Variants in ADAMTS9 observed in about 807,000 individuals in gnomAD.
ADAMTS9 encodes A disintegrin and metalloproteinase with thrombospondin motifs 9.
ADAMTS9 carries 107 observed loss-of-function variants against 257.1 expected under a neutral mutation model. The observed-to-expected ratio is 0.42, with a 90% CI of 0.36 to 0.49. The LOEUF is 0.49. Among genes scored for constraint, ADAMTS9 ranks in the 20% least tolerant of loss-of-function variants. The probability of loss-of-function intolerance (pLI) is 0.03; values close to 1 mark genes in which losing one functional copy is unlikely to be tolerated. For missense variants in ADAMTS9, 2,353 were observed against 2,469.1 expected, an observed-to-expected ratio of 0.95 and a Z score of 1.00; for synonymous variants, 982 against 880.9, an observed-to-expected ratio of 1.11 and a Z score of -2.03.
At chr3:64,522,402 T>A in intron 38 of ADAMTS9, 142 bp from the exon 39 acceptor site, 1 of 629,594 alleles carries the variant, frequency 1.6e-6, no homozygotes, top group Non-Finnish European at 2.7e-6. Context: ...CACCATGGTC[T>A]AAAGCAGGGG....
At chr3:64,535,102 G>A (rs1207129615) in intron 37 of ADAMTS9, among the ~76,000 whole-genome samples, 1 of 152,204 alleles carries the variant, frequency 6.6e-6, no homozygotes, top group Non-Finnish European at 1.5e-5. Flanking sequence ...TTTGGGCTGA[G>A]TGTGGTGGCT....
intron 3 of ADAMTS9, among the ~76,000 whole-genome samples, chr3:64,662,011 T>C (rs1701235686): frequency 6.6e-6 from 1 of 151,878 alleles, no homozygotes; most frequent in African/African-American, 2.4e-5. Flanking sequence ...AGTAGAAGGT[T>C]AGGTTATTGC....
At chr3:64,661,579 G>A (rs779915983) in intron 3 of ADAMTS9, among the ~76,000 whole-genome samples, 7 of 152,278 alleles carry the variant, frequency 4.6e-5, no homozygotes, top group Admixed American at 1.3e-4. Flanking sequence ...CTCAATTCCC[G>A]AAATTGTGCT....
chr3:64,653,219 A>T (rs1469177134), intron 8 of ADAMTS9, among the ~76,000 whole-genome samples: 2 of 152,118 alleles, frequency 1.3e-5, no homozygotes, highest in Non-Finnish European at 2.9e-5. Flanking sequence ...TAAGCTGGGG[A>T]AGCTGGAATG....
chr3:64,551,680 T>G (rs189816908), intron 30 of ADAMTS9, among the ~76,000 whole-genome samples: 58 of 152,238 alleles, frequency 3.8e-4, no homozygotes, highest in Admixed American at 3.5e-3. Flanking sequence ...TTGACACTTA[T>G]GGCCAAATGT....
chr3:64,552,543 T>C (rs1250001767), intron 30 of ADAMTS9, among the ~76,000 whole-genome samples: 2 of 151,994 alleles, frequency 1.3e-5, no homozygotes, highest in Non-Finnish European at 2.9e-5. Flanking sequence ...ATTTTTGTTG[T>C]GTGGTCAGAA....
intron 39 of ADAMTS9, among the ~76,000 whole-genome samples, chr3:64,517,415 G>GCTTTTTTTTTTTTTT (rs1242670245): frequency 8.7e-5 from 1 of 11,544 alleles, no homozygotes; most frequent in Non-Finnish European, 3.0e-4. Context: ...AATTAAAAAT[G>GCTTTTTTTTTTTTTT]GTTTTTTTTT....
rs1486424541 is a variant in ADAMTS9, at chr3:64,687,662, C to T, written c.-5G>A. ...GGCCCAGGATACAAACTGCATGGTG[C>T]TTCCCACCCCTCCCTCCGCTGCCCC... On this transcript the variant is annotated 5_prime_UTR_variant, in exon 1 of 40. Transcript: ENST00000498707. This position sits in a 1 kb window ranked among gnomAD's most constrained non-coding sequence, Gnocchi z 4.4. The T allele has an allele frequency of 7.9e-6, 12 of 1,521,904 alleles. No homozygotes were observed. The highest frequency in any genetic ancestry group is 1.1e-5 in the Non-Finnish European group (12 of 1,129,902). The allele number at this position is 1,521,904 out of a possible 1,614,324, so 94.3% of individuals were successfully genotyped here.
chr3:64,613,616 A>T, intron 21 of ADAMTS9, 107 bp from the exon 22 acceptor site: 1 of 1,087,818 alleles, frequency 9.2e-7, no homozygotes, highest in Non-Finnish European at 1.3e-6. Context: ...TCCCACAGCA[A>T]TCACTCTCCC....
intron 2 of ADAMTS9, chr3:64,685,347 C>T (rs190793626): frequency 6.6e-6 from 1 of 152,392 alleles, no homozygotes; most frequent in Non-Finnish European, 1.5e-5. Context: ...GGGTGAGTAT[C>T]CAAGGCCCCG....
chr3:64,517,708 G>C (rs765976974), intron 39 of ADAMTS9, among the ~76,000 whole-genome samples: 13 of 151,596 alleles, frequency 8.6e-5, no homozygotes, highest in Non-Finnish European at 1.8e-4. Context: ...TTTCCTTCTA[G>C]TCTTTTTTCT....
chr3:64,539,439 G>A (rs991066722), intron 36 of ADAMTS9, 145 bp from the exon 37 acceptor site: 4 of 705,018 alleles, frequency 5.7e-6, no homozygotes, highest in African/African-American at 1.8e-5. Flanking sequence ...AAATATTAGT[G>A]GGTAAATGGA....
chr3:64,524,644 T>A (rs1277747386), intron 38 of ADAMTS9, among the ~76,000 whole-genome samples: 1 of 152,182 alleles, frequency 6.6e-6, no homozygotes, highest in African/African-American at 2.4e-5. Flanking sequence ...ATAAAAAAAT[T>A]TTGTGCAAAT....
At chr3:64,540,974 GC>G in intron 36 of ADAMTS9, 120 bp downstream of exon 36, 1 of 1,234,646 alleles carries the variant, frequency 8.1e-7, no homozygotes, top group Non-Finnish European at 1.1e-6. Flanking sequence ...CTCCATACTA[GC>G]CAATGTGCAA....
At chr3:64,631,432 A>G (rs370735612) in intron 16 of ADAMTS9, 23 bp downstream of exon 16, 32 of 1,592,802 alleles carry the variant, frequency 2.0e-5, no homozygotes, top group Middle Eastern at 1.7e-4. Flanking sequence ...AGAACTCGCA[A>G]GTAGTGAGGC....
At chr3:64,522,289 C>G in intron 38 of ADAMTS9, 29 bp from the exon 39 acceptor site, 1 of 1,604,612 alleles carries the variant, frequency 6.2e-7, no homozygotes, top group African/African-American at 1.3e-5. Flanking sequence ...TGTTAGCCTG[C>G]CTGCTTGGTT....
intron 28 of ADAMTS9, chr3:64,589,068 T>TA (rs1389614838): frequency 6.6e-6 from 1 of 152,222 alleles, no homozygotes; most frequent in Non-Finnish European, 1.5e-5. Flanking sequence ...ATCATATTTA[T>TA]AAAAAATACA....
At chr3:64,666,073 A>T (rs933093631) in intron 3 of ADAMTS9, among the ~76,000 whole-genome samples, 1 of 152,328 alleles carries the variant, frequency 6.6e-6, no homozygotes, top group African/African-American at 2.4e-5. Context: ...GATTACAAAA[A>T]TTTAAGATAG....
chr3:64,655,626 C>T lies in ADAMTS9; in HGVS notation c.1119G>A (p.Ser373=), dbSNP rs137935402. 2.8e-5 allele frequency: 46 copies of T among 1,614,106 alleles called. No homozygotes were observed. The African/African-American group carries it at 4.9e-4, about 17-fold the overall frequency. ...TLKNFCQWQH[S]KNSPGGIHHD... ...GATGGATTCCACCTGGACTGTTCTT[C>T]GAATGCTGCCACTGGCAAAAGTTTT... Residue 373 remains serine (S), a synonymous_variant, in exon 6 of 40, where the codon TCG becomes TCA. Coordinates refer to ENST00000498707, the MANE Select transcript of ADAMTS9 (RefSeq NM_182920.2).
Sources: gnomAD v4.1 joint callset for allele counts (sites outside exome capture counted in the v4.1 genomes callset) on GRCh38, gnomAD v4.1.1 for gene constraint, Gnocchi (gnomAD v3.1) non-coding constraint, MANE v1.5 for transcripts, NCBI Gene and HGNC (gene_info 2026-07-23, HGNC 2026-07-21) for gene names.